The following SLC38A10 variants were observed in gnomAD, a reference collection of about 807,000 sequenced individuals.
The protein encoded by SLC38A10 is solute carrier family 38 member 10.
In SLC38A10, 53 loss-of-function variants were observed where a neutral mutation model predicts 81.0. The observed-to-expected ratio is 0.65, with a 90% CI of 0.53 to 0.82. The LOEUF is 0.82. SLC38A10 is among the 40% of genes least tolerant of loss of function. SLC38A10 has a pLI of 0.00. For missense variants in SLC38A10, 1,471 were observed against 1,545.0 expected (o/e 0.95, Z 0.80); for synonymous variants, 665 against 655.3 (o/e 1.01, Z -0.23).
Position 81,270,699 on chromosome 17 carries a change from C to T in SLC38A10, c.1131+219G>A, listed in dbSNP as rs1243300605. ...TCGGCTCTCAGGAAAACCCGATGCA[C>T]AGCTTGAGCAGCTTAGTGTGGCCCT... On this transcript the variant is annotated intron_variant, in intron 10 of 15. Coordinates refer to ENST00000374759, the MANE Select transcript of SLC38A10 (RefSeq NM_001037984.3). The surrounding 1 kb of genome is among the most constrained non-coding windows in gnomAD (Gnocchi z 4.0). Among the ~76,000 whole-genome samples the T allele has an allele frequency of 6.6e-6, 1 of 152,214 alleles. No individual in the cohort carries two copies. Among genetic ancestry groups the T allele is most frequent in the Admixed American group, 6.5e-5 (1 of 15,282 alleles).
At chr17:81,273,986 C>T (rs1328127948) in intron 8 of SLC38A10, among the ~76,000 whole-genome samples, 1 of 152,238 alleles carries the variant, frequency 6.6e-6, no homozygotes, top group Non-Finnish European at 1.5e-5. Context: ...GCCAGGTCCA[C>T]CTTGGGATGA....
In SLC38A10 at chr17:81,270,925, G is replaced by C. The variant is rs376849786; in HGVS notation, c.1124C>G (p.Ser375Cys). The C allele has an allele frequency of 1.0e-4, 168 of 1,613,822 alleles. No homozygotes were observed. Among genetic ancestry groups the C allele is most frequent in the Non-Finnish European group, 1.4e-4 (165 of 1,179,950 alleles). Reference protein sequence around the residue: ...IYKKIHKNALSSQVVLWVGLG... With the variant: ...IYKKIHKNALCSQVVLWVGLG... The stretch of plus-strand genomic sequence containing the variant: ...CCCACGAGCAGCACGCACCTGGGAG[G>C]AAAGTGCGTTCTTGTGGATTTTCTT... Residue 375 changes from serine to cysteine, a missense_variant, in exon 10 of 16, where the codon TCC becomes TGC. Transcript: ENST00000374759. The surrounding 1 kb of genome is among the most constrained non-coding windows in gnomAD (Gnocchi z 4.0).
At position 81,246,345 on chromosome 17, in the gene SLC38A10, C is replaced by T. The variant is rs575643969; in HGVS notation, c.2571G>A (p.Gln857=). The change falls in exon 16 of 16, where the codon CAG becomes CAA. Residue 857 remains glutamine (Q), a synonymous_variant. Transcript: ENST00000374759. ...TVKELPKGPE[Q]VPVPDPAREA... ...CCCTGGCGGGGTCTGGCACGGGCAC[C>T]TGCTCCGGGCCCTTGGGGAGCTCCT... 6.2e-7 allele frequency: 1 copy of T among 1,606,900 alleles called. No individual in the cohort carries two copies. Among genetic ancestry groups the T allele is most frequent in the South Asian group, 1.1e-5 (1 of 90,956 alleles).
rs200628164 is a variant in SLC38A10 at position 81,260,292 on chromosome 17, C to T, written c.1234G>A (p.Gly412Ser). The T allele has an allele frequency of 4.2e-5, 67 of 1,606,936 alleles. 1 individual carries two copies. The East Asian group carries it at 9.4e-4, about 23-fold the overall frequency. The part of the protein sequence containing the change: ...PEDLAEEAPG[G>S]RLGEAEGLMK... ...AAACCCTCGGCCTCTCCAAGCCGGC[C>T]GCCAGGGGCTTCCTCTGCCAAGTCC... The change falls in exon 11 of 16, where the codon GGC (glycine) becomes AGC (serine). Residue 412 changes from glycine to serine, a missense_variant. By Grantham distance (56) the Gly-to-Ser change is moderately conservative. Transcript: ENST00000374759.
chr17:81,256,462 C>T (rs2062973709), intron 11 of SLC38A10, among the ~76,000 whole-genome samples: 1 of 152,192 alleles, frequency 6.6e-6, no homozygotes. Context: ...CCGGCTTGGA[C>T]CCGCCATGGC....
chr17:81,295,080 G>A lies in SLC38A10; in HGVS notation c.-159C>T. 1 of 1,253,444 alleles carries A rather than the reference G, an allele frequency of 8.0e-7. No individual in the cohort carries two copies. The highest frequency in any genetic ancestry group is 1.0e-6 in the Non-Finnish European group (1 of 992,218). 77.6% of individuals were successfully genotyped at this position (1,253,444 alleles called of 1,614,324 possible). A position where few individuals can be genotyped will look rare whatever the true frequency, so the allele number is the denominator to read the frequency against. On this transcript the variant is annotated 5_prime_UTR_variant, in exon 1 of 16. Transcript: ENST00000374759. The stretch of plus-strand genomic sequence containing the variant: ...TGAACACGGGAGCCTGAGCAGGCGC[G>A]GGCGCGGGCCCCAGAGGCTGCCTGG...
At chr17:81,248,496 C>T (rs957708799) in intron 14 of SLC38A10, among the ~76,000 whole-genome samples, 4 of 152,266 alleles carry the variant, frequency 2.6e-5, no homozygotes, top group Non-Finnish European at 5.9e-5. Context: ...TGACTCGCTT[C>T]AACACTGGCC....
Position 81,246,997 on chromosome 17 carries a change from C to T in SLC38A10, c.2130G>A (p.Val710=), listed in dbSNP as rs1237201541. 1.2e-6 allele frequency: 2 copies of T among 1,605,370 alleles called. No individual in the cohort carries two copies. Among genetic ancestry groups the T allele is most frequent in the Non-Finnish European group, 1.7e-6 (2 of 1,179,554 alleles). The change falls in exon 15 of 16, where the codon GTG becomes GTA. Residue 710 remains valine (V), a synonymous_variant. Transcript: ENST00000374759. ...VLLQVIKEQQ[V]QQKRLLDQQE... ...GCTGGTCCAGCAAGCGCTTTTGCTG[C>T]ACCTGCTGTTCTTTGATCACCTGAA...
At chr17:81,284,027 T>C (rs2063240914) in intron 3 of SLC38A10, among the ~76,000 whole-genome samples, 1 of 151,952 alleles carries the variant, frequency 6.6e-6, no homozygotes, top group Admixed American at 6.5e-5. Flanking sequence ...CCTGGTATTA[T>C]ACTCGCCCCT....
chr17:81,272,269 T>C (rs7212150), intron 9 of SLC38A10, among the ~76,000 whole-genome samples: 7,302 of 152,102 alleles, frequency 0.048, 312 homozygotes, highest in African/African-American at 0.11. Flanking sequence ...CAACCTCAGG[T>C]GATCCACCCA....
In SLC38A10 at chr17:81,253,012, C is replaced by A; in HGVS notation, c.1456+61G>T. ...GAGAGCCACCCCGCAGGGTGTCCAG[C>A]CTGCAAAGGAGGACCCGGGGCCGCC... On this transcript the variant is annotated intron_variant, in intron 12 of 15. Transcript: ENST00000374759. This position sits in a 1 kb window ranked among gnomAD's most constrained non-coding sequence, Gnocchi z 4.1. 6.3e-7 allele frequency: 1 copy of A among 1,583,702 alleles called. No individual in the cohort carries two copies. Among genetic ancestry groups the A allele is most frequent in the Non-Finnish European group, 8.6e-7 (1 of 1,164,434 alleles).
At chr17:81,249,529 A>G (rs12943908) in intron 14 of SLC38A10, among the ~76,000 whole-genome samples, 25,830 of 40,546 alleles carry the variant, frequency 0.64, 7,848 homozygotes, top group African/African-American at 0.82. Flanking sequence ...GGAGGGAGGA[A>G]GGAAGAGGAA....
intron 12 of SLC38A10, 76 bp from the exon 13 acceptor site, chr17:81,252,759 T>G: frequency 6.6e-7 from 1 of 1,507,912 alleles, no homozygotes; most frequent in Non-Finnish European, 8.8e-7. Context: ...AACTGGGTTC[T>G]TCCCTGGGTT....
rs2062948967 is a variant in SLC38A10 at position 81,253,995 on chromosome 17, G to C, written c.1289-755C>G. On this transcript the variant is annotated intron_variant, in intron 11 of 15. Transcript: ENST00000374759. The surrounding 1 kb of genome is among the most constrained non-coding windows in gnomAD (Gnocchi z 4.1). ...TCCCCACCACCATCGCTGCATCATT[G>C]CCACCACCTCCATAATCATCACCTA... Among the ~76,000 whole-genome samples, 1 of 150,804 alleles carries C rather than the reference G, an allele frequency of 6.6e-6. No individual in the cohort carries two copies. The highest frequency in any genetic ancestry group is 2.1e-4 in the South Asian group (1 of 4,758).
At chr17:81,250,898 T>G in intron 14 of SLC38A10, 3 of 1,126,578 alleles carry the variant, frequency 2.7e-6, no homozygotes, top group Non-Finnish European at 3.3e-6. Context: ...GCAAGTTTTA[T>G]TCTCAGGAGA....
At chr17:81,256,255 G>A (rs1480065122) in intron 11 of SLC38A10, among the ~76,000 whole-genome samples, 3 of 152,362 alleles carry the variant, frequency 2.0e-5, no homozygotes, top group Admixed American at 6.5e-5. Context: ...ACAGCTCAGG[G>A]CTCGGTCTTT....
chr17:81,280,585 C>T, intron 6 of SLC38A10, 24 bp downstream of exon 6: 1 of 1,612,444 alleles, frequency 6.2e-7, no homozygotes, highest in Non-Finnish European at 8.5e-7. Context: ...AGAACTCCAC[C>T]ACAGACCACA....
At chr17:81,258,910 G>T (rs1288512921) in intron 11 of SLC38A10, among the ~76,000 whole-genome samples, 1 of 152,250 alleles carries the variant, frequency 6.6e-6, no homozygotes, top group African/African-American at 2.4e-5. Flanking sequence ...AGCCCCGCCA[G>T]CTGCACGGAA....
chr17:81,254,457 C>CT (rs1264199539), intron 11 of SLC38A10, among the ~76,000 whole-genome samples: 2 of 152,084 alleles, frequency 1.3e-5, no homozygotes, highest in Non-Finnish European at 2.9e-5. Context: ...ACAAATTCAA[C>CT]TTTTTTTTAA....
Sources: gnomAD v4.1 joint callset for allele counts (sites outside exome capture counted in the v4.1 genomes callset) on GRCh38, gnomAD v4.1.1 for gene constraint, Gnocchi (gnomAD v3.1) non-coding constraint, MANE v1.5 for transcripts, NCBI Gene and HGNC (gene_info 2026-07-23, HGNC 2026-07-21) for gene names.